The following SAXO1 variants were observed in gnomAD, a reference collection of about 807,000 sequenced individuals.
The protein encoded by SAXO1 is 4930500O09Rik.
Under a neutral mutation model 17.5 loss-of-function variants are expected in SAXO1, and 21 were observed. That is an observed-to-expected ratio of 1.20 (90% CI 0.85 to 1.72). The LOEUF (loss-of-function observed/expected upper bound fraction) is 1.72. SAXO1 is among the 40% of genes most tolerant of loss of function. The probability of loss-of-function intolerance (pLI) is 0.00; values close to 1 mark genes in which losing one functional copy is unlikely to be tolerated. For missense variants in SAXO1, 843 were observed against 596.0 expected (o/e 1.41, Z -4.32); for synonymous variants, 274 against 216.5 (o/e 1.27, Z -2.33).
At chr9:19,036,334 G>T (rs369080344), upstream of SAXO1, among the ~76,000 whole-genome samples, 3 of 151,924 alleles carry the variant, frequency 2.0e-5, no homozygotes, top group East Asian at 3.9e-4. Context: ...GCTGGCTGCA[G>T]AAATTTGCAT....
intron 2 of SAXO1, among the ~76,000 whole-genome samples, chr9:18,945,969 T>C (rs1241928490): frequency 6.6e-6 from 1 of 152,126 alleles, no homozygotes; most frequent in African/African-American, 2.4e-5. Context: ...TAATCACCTT[T>C]TCTTGACTAC....
At chr9:18,929,144 C>G in intron 3 of SAXO1, 89 bp from the exon 4 acceptor site, 1 of 1,420,610 alleles carries the variant, frequency 7.0e-7, no homozygotes, top group Middle Eastern at 1.9e-4. Flanking sequence ...TTAAGGCAGT[C>G]TCCGATGAAG....
chr9:18,943,074 G>A (rs1468350398), intron 2 of SAXO1, among the ~76,000 whole-genome samples: 5 of 152,184 alleles, frequency 3.3e-5, no homozygotes, highest in Admixed American at 6.5e-5. Flanking sequence ...AAGGTAACAC[G>A]CTCCACTGTA....
rs1366196133 is a variant in SAXO1 at position 19,032,896 on chromosome 9, A to C, written c.13T>G (p.Cys5Gly). The C allele has an allele frequency of 1.9e-6, 3 of 1,610,508 alleles. No homozygotes were observed. The highest frequency in any genetic ancestry group is 2.7e-5 in the African/African-American group (2 of 74,892). Reference sequence around the variant, plus strand: ...CCGCAGGAGCACAGTTCACAGATGCACTTCGTCTTCATAGGGGCGATCCTG... The same window carrying C: ...CCGCAGGAGCACAGTTCACAGATGCCCTTCGTCTTCATAGGGGCGATCCTG... MKTKCICELCSCGRH... is the reference protein window; with the variant it reads MKTKGICELCSCGRH... The change falls in exon 1 of 4, where the codon TGC becomes GGC. Residue 5 changes from cysteine (C) to glycine (G), a missense_variant. By Grantham distance (159) the Cys-to-Gly change is radical (BLOSUM62 -3). Transcript: ENST00000380534.
intron 1 of SAXO1, among the ~76,000 whole-genome samples, chr9:18,992,377 C>T (rs1038235156): frequency 6.6e-6 from 1 of 152,206 alleles, no homozygotes; most frequent in East Asian, 1.9e-4. Context: ...ATTGTCTTCC[C>T]TCTGTCCATG....
intron 1 of SAXO1, among the ~76,000 whole-genome samples, chr9:18,989,746 C>A (rs972361392): frequency 1.3e-5 from 2 of 152,094 alleles, no homozygotes; most frequent in African/African-American, 4.8e-5. Flanking sequence ...TGTGTCACTC[C>A]AAGTGGGTTC....
chr9:18,964,302 G>A (rs996831517), intron 1 of SAXO1, among the ~76,000 whole-genome samples: 3 of 152,180 alleles, frequency 2.0e-5, no homozygotes, highest in Admixed American at 1.3e-4. Flanking sequence ...AATTAGGGAG[G>A]AGTCCCTCTT....
chr9:19,038,147 A>C (rs567686796), upstream of SAXO1, among the ~76,000 whole-genome samples: 1 of 152,314 alleles, frequency 6.6e-6, no homozygotes, highest in Non-Finnish European at 1.5e-5. Flanking sequence ...GGACACTTTT[A>C]CACTGTTGGT....
intron 1 of SAXO1, among the ~76,000 whole-genome samples, chr9:18,970,041 T>G (rs1832888423): frequency 6.6e-6 from 1 of 152,150 alleles, no homozygotes; most frequent in Non-Finnish European, 1.5e-5. Context: ...AGCACAGAGC[T>G]TGGAGATGGG....
intron 1 of SAXO1, among the ~76,000 whole-genome samples, chr9:18,976,259 G>C (rs906860190): frequency 6.6e-6 from 1 of 152,098 alleles, no homozygotes; most frequent in Non-Finnish European, 1.5e-5. Context: ...CTCTTCTCTA[G>C]GGCTGAAAAA....
chr9:18,932,888 C>T (rs897743690), intron 3 of SAXO1, among the ~76,000 whole-genome samples: 2 of 145,204 alleles, frequency 1.4e-5, no homozygotes, highest in Non-Finnish European at 3.0e-5. Context: ...ACTGACATCT[C>T]GCTGAACTCA....
In SAXO1 at chr9:19,005,658, A is replaced by G. The variant is rs141192085; in HGVS notation, c.38+27213T>C. Among the ~76,000 whole-genome samples the G allele has an allele frequency of 6.6e-5, 10 of 152,332 alleles. No individual in the cohort carries two copies. In the East Asian group the frequency reaches 1.9e-3, roughly 29 times the overall value. On this transcript the variant is annotated intron_variant, in intron 1 of 3. Coordinates refer to ENST00000380534, the MANE Select transcript of SAXO1 (RefSeq NM_153707.4). The stretch of plus-strand genomic sequence containing the variant: ...ATGGATCAAAGACCTAAGCATAAGA[A>G]CTAAAACTATACAAACGCTGAGAAG...
At chr9:19,030,142 G>C (rs1169615288) in intron 1 of SAXO1, among the ~76,000 whole-genome samples, 1 of 152,142 alleles carries the variant, frequency 6.6e-6, no homozygotes, top group Admixed American at 6.5e-5. Flanking sequence ...AGTCCAGCAG[G>C]AGGAGGGAAC....
upstream of SAXO1, among the ~76,000 whole-genome samples, chr9:19,035,903 GGCATTCAGTTTTATAAGGGAAGCA>G (rs902147674): frequency 6.6e-6 from 1 of 152,156 alleles, no homozygotes; most frequent in African/African-American, 2.4e-5. Context: ...TGCTGTTAAA[GGCATTCAGTTTTATAAGGGAAGCA>G]GAGCACAAAA....
chr9:19,024,329 G>A (rs1250146159), intron 1 of SAXO1, among the ~76,000 whole-genome samples: 1 of 151,380 alleles, frequency 6.6e-6, no homozygotes, highest in Non-Finnish European at 1.5e-5. Flanking sequence ...CCAACCTTAA[G>A]AATATCGCAA....
chr9:18,991,252 CT>C (rs2131842332), intron 1 of SAXO1, among the ~76,000 whole-genome samples: 1 of 152,282 alleles, frequency 6.6e-6, no homozygotes, highest in African/African-American at 2.4e-5. Flanking sequence ...CAGAGCGAGA[CT>C]CACACATGCA....
intron 2 of SAXO1, among the ~76,000 whole-genome samples, chr9:18,942,705 A>G (rs1322995842): frequency 6.6e-6 from 1 of 152,122 alleles, no homozygotes; most frequent in African/African-American, 2.4e-5. Flanking sequence ...CCCTCCCCAA[A>G]GCATCCCAGA....
At chr9:19,014,462 A>AAAAAAAAC (rs1834885137) in intron 1 of SAXO1, among the ~76,000 whole-genome samples, 1 of 137,098 alleles carries the variant, frequency 7.3e-6, no homozygotes, top group Non-Finnish European at 1.7e-5. Context: ...CTGTGTCTCA[A>AAAAAAAAC]AAAAAAAAAA....
intron 1 of SAXO1, among the ~76,000 whole-genome samples, chr9:19,038,484 A>G (rs1563997436): frequency 6.6e-6 from 1 of 151,530 alleles, no homozygotes; most frequent in Non-Finnish European, 1.5e-5. Context: ...GGAAATCATC[A>G]TTCTCAGTAA....
Sources: gnomAD v4.1 joint callset for allele counts (sites outside exome capture counted in the v4.1 genomes callset) on GRCh38, gnomAD v4.1.1 for gene constraint, MANE v1.5 for transcripts, NCBI Gene and HGNC (gene_info 2026-07-23, HGNC 2026-07-21) for gene names.